RYR2: variants seen among roughly 807,000 people sequenced by gnomAD.
RYR2 encodes ryanodine receptor 2.
A neutral mutation model predicts 601.1 loss-of-function variants in RYR2; 227 were observed. That is an observed-to-expected ratio of 0.38 (90% CI 0.34 to 0.42). The LOEUF (loss-of-function observed/expected upper bound fraction) is 0.42, where lower values mean the gene tolerates loss of function less well. Among genes scored for constraint, RYR2 ranks in the 10% least tolerant of loss-of-function variants. The probability of loss-of-function intolerance (pLI) is 1.00; values close to 1 mark genes in which losing one functional copy is unlikely to be tolerated. For synonymous variants in RYR2, 2,223 were observed against 2,175.1 expected (o/e 1.02, Z -0.61); for missense variants, 4,646 against 6,156.5 (o/e 0.75, Z 8.21).
intron 1 of RYR2, among the ~76,000 whole-genome samples, chr1:237,176,518 C>T (rs1193284474): frequency 1.3e-5 from 2 of 151,172 alleles, no homozygotes; most frequent in African/African-American, 2.4e-5. Flanking sequence ...CACTGAATAG[C>T]CTTTGAAATA....
At chr1:237,346,029 G>A (rs1033723432) in intron 3 of RYR2, among the ~76,000 whole-genome samples, 1 of 152,002 alleles carries the variant, frequency 6.6e-6, no homozygotes, top group Non-Finnish European at 1.5e-5. Flanking sequence ...CCACTTTAAC[G>A]TATTCTGTAC....
intron 1 of RYR2, among the ~76,000 whole-genome samples, chr1:237,245,315 G>A (rs1301599925): frequency 6.6e-6 from 1 of 152,108 alleles, no homozygotes; most frequent in Non-Finnish European, 1.5e-5. Context: ...CCTCTCTTTG[G>A]AGCTTGGGCA....
At chr1:237,485,579 C>A (rs1044349274) in intron 17 of RYR2, among the ~76,000 whole-genome samples, 1 of 152,230 alleles carries the variant, frequency 6.6e-6, no homozygotes, top group East Asian at 1.9e-4. Flanking sequence ...CAGTCTTAGA[C>A]GGTGGGAGTG....
chr1:237,550,035 A>G (rs182349541), intron 26 of RYR2, among the ~76,000 whole-genome samples: 11 of 152,134 alleles, frequency 7.2e-5, no homozygotes, highest in Admixed American at 6.6e-4. Context: ...GCCGGGTTTC[A>G]CTGGTTGGTG....
chr1:237,121,778 G>A (rs894811361), intron 1 of RYR2, among the ~76,000 whole-genome samples: 3 of 152,188 alleles, frequency 2.0e-5, no homozygotes, highest in Admixed American at 1.3e-4. Flanking sequence ...GGGTGACCTC[G>A]TGGGTTTGTA....
intron 2 of RYR2, among the ~76,000 whole-genome samples, chr1:237,290,376 CAG>C (rs1031071005): frequency 1.4e-4 from 22 of 152,236 alleles, no homozygotes; most frequent in African/African-American, 4.8e-4. Flanking sequence ...GAATTTACTG[CAG>C]AGACTTGCAA....
chr1:237,659,012 T>C (rs1262473674), intron 54 of RYR2, among the ~76,000 whole-genome samples: 1 of 152,214 alleles, frequency 6.6e-6, no homozygotes, highest in Admixed American at 6.5e-5. Context: ...ATAAAGTAGG[T>C]TCATCAGAGG....
chr1:237,792,060 TCTTAGATGCAGCAAACTGACTCTA>T, intron 93 of RYR2, 21 bp from the exon 94 acceptor site: 5 of 1,375,968 alleles, frequency 3.6e-6, no homozygotes, highest in Non-Finnish European at 5.1e-6. Context: ...TGCAATGGTA[TCTTAGATGCAGCAAACTGACTCTA>T]CTTTAAATGC....
intron 81 of RYR2, 105 bp downstream of exon 81, chr1:237,756,492 G>GC: frequency 5.9e-6 from 4 of 681,670 alleles, no homozygotes; most frequent in Non-Finnish European, 9.9e-6. Flanking sequence ...TAGTCCTGGG[G>GC]TTTCTGGTTC....
intron 2 of RYR2, among the ~76,000 whole-genome samples, chr1:237,318,126 G>A (rs1159707983): frequency 6.6e-6 from 1 of 151,508 alleles, no homozygotes; most frequent in Non-Finnish European, 1.5e-5. Flanking sequence ...TAATTCTTAT[G>A]TACTCGGGGA....
chr1:237,700,905 A>C (rs1487877921), intron 65 of RYR2, among the ~76,000 whole-genome samples: 1 of 152,226 alleles, frequency 6.6e-6, no homozygotes, highest in East Asian at 1.9e-4. Context: ...TGTCTAAATA[A>C]TTGGCCTTTT....
chr1:237,650,285 T>A (rs1194129124), intron 50 of RYR2, among the ~76,000 whole-genome samples, 188 bp downstream of exon 50: 2 of 152,090 alleles, frequency 1.3e-5, no homozygotes, highest in Admixed American at 1.3e-4. Flanking sequence ...AGTTCCAGAG[T>A]GTTCCTCCAA....
At chr1:237,475,145 A>G (rs1202956983) in intron 17 of RYR2, among the ~76,000 whole-genome samples, 2 of 152,212 alleles carry the variant, frequency 1.3e-5, no homozygotes, top group Non-Finnish European at 2.9e-5. Flanking sequence ...TAATAGATGA[A>G]GGGACTAAGG....
intron 25 of RYR2, among the ~76,000 whole-genome samples, chr1:237,538,480 GT>G (rs35530760): frequency 3.3e-4 from 47 of 142,356 alleles, no homozygotes; most frequent in African/African-American, 1.2e-3. Context: ...GTTTAAAGAA[GT>G]TTTTTTTTGG....
chr1:237,568,408 T>A lies in RYR2; in HGVS notation c.3424-737T>A, dbSNP rs933163197. On this transcript the variant is annotated intron_variant, in intron 28 of 104. Coordinates refer to ENST00000366574, the MANE Select transcript of RYR2 (RefSeq NM_001035.3). The stretch of plus-strand genomic sequence containing the variant: ...AATTCACATAACTCAGGTGTGCTTA[T>A]GAATCAACGGAATATACTTGTAGAT... Among the ~76,000 whole-genome samples, 94 of 152,354 alleles carry A rather than the reference T, an allele frequency of 6.2e-4. 1 individual carries two copies. Among genetic ancestry groups the A allele is most frequent in the Admixed American group, 5.8e-3 (88 of 15,296 alleles).
At chr1:237,684,571 G>T (rs888173009) in intron 62 of RYR2, among the ~76,000 whole-genome samples, 1 of 152,266 alleles carries the variant, frequency 6.6e-6, no homozygotes, top group East Asian at 1.9e-4. Flanking sequence ...TTGGAACATT[G>T]TTGGTATCAT....
intron 1 of RYR2, among the ~76,000 whole-genome samples, chr1:237,094,639 A>G (rs932719459): frequency 6.6e-5 from 10 of 152,064 alleles, no homozygotes; most frequent in African/African-American, 2.4e-4. Context: ...CAGTGGTGCG[A>G]TCTCGGCCCA....
At chr1:237,552,063 A>G (rs544319880) in intron 27 of RYR2, among the ~76,000 whole-genome samples, 1 of 152,342 alleles carries the variant, frequency 6.6e-6, no homozygotes, top group African/African-American at 2.4e-5. Flanking sequence ...TAAATGACGT[A>G]TCTACTTGTT....
At chr1:237,414,715 A>G (rs541521313) in intron 10 of RYR2, among the ~76,000 whole-genome samples, 10 of 152,288 alleles carry the variant, frequency 6.6e-5, no homozygotes, top group African/African-American at 2.2e-4. Context: ...ATTTGAAAAT[A>G]TATGCTAAGT....
Sources: gnomAD v4.1 joint callset for allele counts (sites outside exome capture counted in the v4.1 genomes callset) on GRCh38, gnomAD v4.1.1 for gene constraint, MANE v1.5 for transcripts, NCBI Gene and HGNC (gene_info 2026-07-23, HGNC 2026-07-21) for gene names.